Variants in CD6 observed in about 807,000 individuals in gnomAD.
CD6 encodes T-cell differentiation antigen CD6.
In CD6, 53 loss-of-function variants were observed where a neutral mutation model predicts 75.3. The observed-to-expected ratio is 0.70, with a 90% confidence interval of 0.56 to 0.88. The LOEUF (loss-of-function observed/expected upper bound fraction) is 0.88. CD6 is among the 40% of genes least tolerant of loss of function. The pLI, the probability that CD6 is intolerant of heterozygous loss-of-function variation, is 0.00. For synonymous variants in CD6, 359 were observed against 381.5 expected, an observed-to-expected ratio of 0.94 and a Z score of 0.69; for missense variants, 770 against 897.1, an observed-to-expected ratio of 0.86 and a Z score of 1.81.
In CD6 at chr11:60,981,539, G is replaced by T. The variant is rs536884237; in HGVS notation, c.49+9625G>T. ...GGCCATGCCCAGCCTTCGTTTCCCC[G>T]GCTGTAAAGCAGGGCCAACGGGAGC... On this transcript the variant is annotated intron_variant, in intron 1 of 12. Transcript: ENST00000313421. Among the ~76,000 whole-genome samples the T allele has an allele frequency of 2.2e-4, 34 of 152,318 alleles. No homozygotes were observed. In the East Asian group the frequency reaches 6.4e-3, roughly 28 times the overall value.
Position 60,981,185 on chromosome 11 carries a change from C to T in CD6, c.49+9271C>T, listed in dbSNP as rs557479250. 6.5e-4 allele frequency among the ~76,000 whole-genome samples: 99 copies of T among 152,342 alleles called. 1 individual carries two copies. Among genetic ancestry groups the T allele is most frequent in the South Asian group, 3.7e-3 (18 of 4,830 alleles). On this transcript the variant is annotated intron_variant, in intron 1 of 12. Coordinates refer to ENST00000313421, the MANE Select transcript of CD6 (RefSeq NM_006725.5). ...AGCACTCTGCAAATACGTAAACCTGCCTTCTCCTCGTCACAGCCCTAAGGA... is the reference window on the plus strand; with the variant it reads ...AGCACTCTGCAAATACGTAAACCTGTCTTCTCCTCGTCACAGCCCTAAGGA...
chr11:60,993,322 G>GAGAGAATGCAGCCTTCAGAGAACCAC (rs143326539), intron 1 of CD6, among the ~76,000 whole-genome samples: 23,685 of 152,046 alleles, frequency 0.16, 2,584 homozygotes, highest in Middle Eastern at 0.3. Flanking sequence ...CAGAGAACCA[G>GAGAGAATGCAGCCTTCAGAGAACCAC]AATCACCCCC....
At chr11:60,980,071 T>C (rs1188135182) in intron 1 of CD6, among the ~76,000 whole-genome samples, 1 of 152,210 alleles carries the variant, frequency 6.6e-6, no homozygotes, top group African/African-American at 2.4e-5. Context: ...GAAAGTTATG[T>C]ATTTTGTCCC....
intron 1 of CD6, among the ~76,000 whole-genome samples, chr11:60,974,696 C>T (rs1857304339): frequency 6.6e-6 from 1 of 152,192 alleles, no homozygotes; most frequent in Admixed American, 6.5e-5. Context: ...TCCTGATCAG[C>T]CAACTAAGGA....
chr11:61,015,265 G>A (rs1370732081), intron 8 of CD6, among the ~76,000 whole-genome samples: 1 of 152,200 alleles, frequency 6.6e-6, no homozygotes, highest in African/African-American at 2.4e-5. Flanking sequence ...CAGACTGGGT[G>A]GCTTGTACAA....
Position 61,008,812 on chromosome 11 carries a change from G to A in CD6, c.748G>A (p.Gly250Ser). 1 of 1,567,118 alleles carries A rather than the reference G, an allele frequency of 6.4e-7. No homozygotes were observed. The highest frequency in any genetic ancestry group is 8.7e-7 in the Non-Finnish European group (1 of 1,154,070). ...CPGLPGQHYC[G>S]HKEDAGAVCS... ...GGGGCTGCCAGGACAGCACTACTGC[G>A]GCCACAAAGAGGACGCGGGCGCGGT... Residue 250 changes from glycine to serine, a missense_variant, in exon 4 of 13, where the codon GGC becomes AGC. Coordinates refer to ENST00000313421, the MANE Select transcript of CD6 (RefSeq NM_006725.5).
intron 1 of CD6, among the ~76,000 whole-genome samples, chr11:60,986,479 C>A (rs1010551804): frequency 2.6e-5 from 4 of 152,238 alleles, no homozygotes; most frequent in African/African-American, 4.8e-5. Context: ...TGTCACTCTT[C>A]AGCTTTTGCG....
intron 6 of CD6, 74 bp downstream of exon 6, chr11:61,011,209 GTGCACACC>G: frequency 3.0e-5 from 33 of 1,117,098 alleles, no homozygotes; most frequent in Admixed American, 3.8e-5. Flanking sequence ...GTGTGTTCCT[GTGCACACC>G]TGTGTTGGGG....
intron 1 of CD6, among the ~76,000 whole-genome samples, chr11:60,996,135 A>G (rs1290486668): frequency 6.6e-6 from 1 of 152,196 alleles, no homozygotes; most frequent in Non-Finnish European, 1.5e-5. Context: ...TAGGCAAGAT[A>G]CTAAACCGCT....
chr11:60,989,629 C>T (rs1219925007), intron 1 of CD6, among the ~76,000 whole-genome samples: 1 of 152,114 alleles, frequency 6.6e-6, no homozygotes, highest in African/African-American at 2.4e-5. Flanking sequence ...AGAAATGCTG[C>T]GGGAGGTGAA....
intron 1 of CD6, among the ~76,000 whole-genome samples, chr11:60,975,299 G>A (rs978569761): frequency 5.9e-5 from 9 of 152,264 alleles, no homozygotes; most frequent in South Asian, 2.1e-4. Context: ...CTACAATCAC[G>A]CATTTAAAAT....
intron 1 of CD6, among the ~76,000 whole-genome samples, chr11:60,975,872 A>G (rs146684103): frequency 5.9e-5 from 9 of 152,342 alleles, no homozygotes; most frequent in Non-Finnish European, 1.3e-4. Flanking sequence ...TCATATTTAT[A>G]TTGGATAACA....
intron 1 of CD6, among the ~76,000 whole-genome samples, chr11:60,991,153 T>TC (rs1254312715): frequency 7.1e-5 from 10 of 140,870 alleles, no homozygotes; most frequent in Non-Finnish European, 1.5e-4. Context: ...TTCTTTCTTT[T>TC]TTTTTTTTTT....
intron 1 of CD6, among the ~76,000 whole-genome samples, chr11:61,001,782 G>C (rs1363894515): frequency 6.6e-6 from 1 of 152,150 alleles, no homozygotes; most frequent in Non-Finnish European, 1.5e-5. Context: ...GCAGGGCCCA[G>C]TGCAAAACGG....
At chr11:60,978,249 T>C (rs1469852215) in intron 1 of CD6, among the ~76,000 whole-genome samples, 2 of 152,234 alleles carry the variant, frequency 1.3e-5, no homozygotes, top group Admixed American at 1.3e-4. Context: ...CTGACAAGAC[T>C]GAGCCTGGGG....
At position 61,017,889 on chromosome 11, in the gene CD6, T is replaced by C. The variant is rs1859490626; in HGVS notation, c.1713T>C (p.Asp571=). 1.2e-6 allele frequency: 2 copies of C among 1,614,008 alleles called. No individual in the cohort carries two copies. Among genetic ancestry groups the C allele is most frequent in the East Asian group, 2.2e-5 (1 of 44,870 alleles). ...AGTCGAGCACCTCTTCAGGGGAGGA[T>C]TACTGCAATAGTCCCAAAAGCAAGC... The part of the protein sequence containing the change: ...NSESSTSSGE[D]YCNSPKSKLP... The change falls in exon 11 of 13, where the codon GAT becomes GAC. Residue 571 remains aspartate (D), a synonymous_variant. Transcript: ENST00000313421.
intron 1 of CD6, among the ~76,000 whole-genome samples, chr11:60,980,352 AAGTT>A (rs1389966866): frequency 2.0e-5 from 3 of 152,236 alleles, no homozygotes; most frequent in East Asian, 1.9e-4. Context: ...AAAAATTAAA[AAGTT>A]AGCCGGATGT....
At chr11:60,992,764 G>T (rs1858118740) in intron 1 of CD6, among the ~76,000 whole-genome samples, 1 of 152,022 alleles carries the variant, frequency 6.6e-6, no homozygotes, top group Non-Finnish European at 1.5e-5. Context: ...GGAGGCAGAG[G>T]TTGCAGTGAA....
At chr11:60,993,470 T>C (rs554459006) in intron 1 of CD6, among the ~76,000 whole-genome samples, 2 of 152,246 alleles carry the variant, frequency 1.3e-5, no homozygotes, top group South Asian at 4.2e-4. Context: ...GGTTGGAGGA[T>C]AATAACAACC....
Sources: allele counts gnomAD v4.1 joint callset (sites outside exome capture counted in the v4.1 genomes callset), GRCh38; gene constraint gnomAD v4.1.1; transcripts MANE v1.5; gene names NCBI Gene and HGNC (gene_info 2026-07-23, HGNC 2026-07-21).